Variants in JAKMIP3 observed in about 807,000 individuals in gnomAD.
The protein encoded by JAKMIP3 is janus kinase and microtubule-interacting protein 3.
JAKMIP3 carries 58 observed loss-of-function variants against 118.5 expected under a neutral mutation model. That is an observed-to-expected ratio of 0.49 (90% CI 0.40 to 0.61). The LOEUF (loss-of-function observed/expected upper bound fraction) is 0.61, where lower values mean the gene tolerates loss of function less well. Among genes scored for constraint, JAKMIP3 ranks in the 20% least tolerant of loss-of-function variants. The pLI is 0.00. For missense variants in JAKMIP3, 950 were observed against 1,109.0 expected, an observed-to-expected ratio of 0.86 and a Z score of 2.04; for synonymous variants, 486 against 451.2, an observed-to-expected ratio of 1.08 and a Z score of -0.98.
chr10:132,053,843 G>A (rs1303102741), intron 1 of JAKMIP3, among the ~76,000 whole-genome samples: 1 of 151,920 alleles, frequency 6.6e-6, no homozygotes, highest in Non-Finnish European at 1.5e-5. Context: ...GACCATCCTG[G>A]CTAACATGAT....
In JAKMIP3 at chr10:132,183,403, C is replaced by A. The variant is rs910115598; in HGVS notation, c.*2150C>A. On this transcript the variant is annotated 3_prime_UTR_variant, in exon 24 of 24. Coordinates refer to ENST00000684848, the MANE Select transcript of JAKMIP3 (RefSeq NM_001323087.2). ...AAACTCACATTCCCAGATTCACATC[C>A]CTCATGTTTATTTGGGTCATCATGG... The A allele has an allele frequency of 6.6e-6, 1 of 152,218 alleles. No homozygotes were observed. The highest frequency in any genetic ancestry group is 1.9e-4 in the East Asian group (1 of 5,204). The allele number at this position is 152,218 out of a possible 1,614,324, so 9.4% of individuals were successfully genotyped here.
intron 19 of JAKMIP3, among the ~76,000 whole-genome samples, chr10:132,159,636 ATGCTGGGGGGCCTCTCCCTG>A: frequency 2.6e-5 from 1 of 38,902 alleles, no homozygotes; most frequent in African/African-American, 9.7e-5. Context: ...TTCCTTTGTG[ATGCTGGGGGGCCTCTCCCTG>A]TGTGATGCTG....
intron 3 of JAKMIP3, among the ~76,000 whole-genome samples, chr10:132,119,485 C>A (rs72858949): frequency 6.6e-6 from 1 of 152,088 alleles, no homozygotes; most frequent in Non-Finnish European, 1.5e-5. Context: ...CTTCAAAAAC[C>A]GTCTCCCCCT....
Position 132,150,048 on chromosome 10 carries a change from C to T in JAKMIP3, c.2007+7C>T, listed in dbSNP as rs373224436. ...GGGCGATAACGCCGTAAGTGTATGT[C>T]GCTCTCCTGGCTTGTGCATGCCTCT... is the stretch of plus-strand genomic sequence containing the variant. On this transcript the variant is annotated splice_region_variant and intron_variant, in intron 16 of 23. Transcript: ENST00000684848. 1.0e-4 allele frequency: 159 copies of T among 1,593,202 alleles called. No individual in the cohort carries two copies. The highest frequency in any genetic ancestry group is 5.8e-4 in the East Asian group (25 of 43,470).
rs113550023 is a variant in JAKMIP3 at position 132,165,347 on chromosome 10, C to T, written c.2490+612C>T. Among the ~76,000 whole-genome samples, 871 of 152,282 alleles carry T rather than the reference C, an allele frequency of 5.7e-3. 15 individuals are homozygous for T. Among genetic ancestry groups the T allele is most frequent in the African/African-American group, 0.019 (803 of 41,572 alleles). ...AGTCTCTCCCGGGGTTGCCTGCAGGCGTTCAGGGCAGCGCTTGTTCTCCCA... is the reference window on the plus strand; with the variant it reads ...AGTCTCTCCCGGGGTTGCCTGCAGGTGTTCAGGGCAGCGCTTGTTCTCCCA... On this transcript the variant is annotated intron_variant, in intron 21 of 23. Coordinates refer to ENST00000684848, the MANE Select transcript of JAKMIP3 (RefSeq NM_001323087.2).
At chr10:132,115,295 G>A (rs2047465584) in intron 2 of JAKMIP3, among the ~76,000 whole-genome samples, 1 of 146,478 alleles carries the variant, frequency 6.8e-6, no homozygotes, top group South Asian at 2.1e-4. Flanking sequence ...CACCCTGGCG[G>A]GGCACTGATC....
At chr10:132,158,755 TGTGTGATGCTGTGGGAGGGGCATC>T in intron 19 of JAKMIP3, among the ~76,000 whole-genome samples, 1 of 284 alleles carries the variant, frequency 3.5e-3, no homozygotes, top group African/African-American at 0.022. Flanking sequence ...GGCATCTTCC[TGTGTGATGCTGTGGGAGGGGCATC>T]TTCCTGTGTG....
upstream of JAKMIP3, among the ~76,000 whole-genome samples, chr10:132,059,687 G>A (rs1366858158): frequency 4.6e-5 from 7 of 152,206 alleles, no homozygotes; most frequent in Admixed American, 6.5e-5. Context: ...TGGTTGTGGC[G>A]AGGGCCCCAC....
chr10:132,109,093 CAT>C lies in JAKMIP3; in HGVS notation c.135+4160_135+4161del, dbSNP rs199571463. 1.7e-4 allele frequency among the ~76,000 whole-genome samples: 24 copies of C among 138,884 alleles called. 2 individuals are homozygous for C. The highest frequency in any genetic ancestry group is 4.5e-4 in the South Asian group (2 of 4,412). The allele number at this position is 138,884 out of a possible 152,430, so 91.1% of individuals were successfully genotyped here. A position where few individuals can be genotyped will look rare whatever the true frequency, so the allele number is the denominator to read the frequency against. Reference sequence around the variant, plus strand: ...ACACATACACATATATATACACACACATATATATATACACACACACATATATA... The same window carrying C: ...ACACATACACATATATATACACACACATATATATACACACACACATATATA... On this transcript the variant is annotated intron_variant, in intron 2 of 23. Transcript: ENST00000684848.
intron 23 of JAKMIP3, among the ~76,000 whole-genome samples, chr10:132,171,412 G>A (rs2035806): frequency 0.48 from 72,499 of 152,116 alleles, 19,053 homozygotes; most frequent in East Asian, 0.9. Context: ...TGCACTGTGC[G>A]CCCTGCTCTG....
rs1347225997 is a variant in JAKMIP3 at position 132,133,527 on chromosome 10, T to C, written c.849T>C (p.Pro283=). 5 of 1,558,944 alleles carry C rather than the reference T, an allele frequency of 3.2e-6. No individual in the cohort carries two copies. In the Admixed American group the frequency reaches 9.6e-5, roughly 30 times the overall value. The change falls in exon 4 of 24, where the codon CCT becomes CCC. Residue 283 remains proline (P), a splice_region_variant and synonymous_variant. Coordinates refer to ENST00000684848, the MANE Select transcript of JAKMIP3 (RefSeq NM_001323087.2). Reference sequence around the variant, plus strand: ...ACGCTTCAGACCACTCGGGAAGCCCTGTAAGCACCTCCCAGGCCCACCGGC... The same window carrying C: ...ACGCTTCAGACCACTCGGGAAGCCCCGTAAGCACCTCCCAGGCCCACCGGC... ...AGDASDHSGS[P]EQQLDEKDAR...
At chr10:132,134,138 G>A (rs1004025959) in intron 4 of JAKMIP3, among the ~76,000 whole-genome samples, 1 of 152,200 alleles carries the variant, frequency 6.6e-6, no homozygotes, top group Non-Finnish European at 1.5e-5. Context: ...CATATCCTCT[G>A]TCGTGGTTCT....
At chr10:132,069,508 G>A (rs1245418405) in intron 1 of JAKMIP3, among the ~76,000 whole-genome samples, 8 of 152,098 alleles carry the variant, frequency 5.3e-5, no homozygotes, top group African/African-American at 1.9e-4. Flanking sequence ...GATGAGCTCC[G>A]ATGGGGAGGA....
chr10:132,067,785 ACTGTGGGCTTCCG>A (rs2039075442), intron 1 of JAKMIP3, among the ~76,000 whole-genome samples: 32 of 141,152 alleles, frequency 2.3e-4, no homozygotes, highest in East Asian at 8.7e-4. Flanking sequence ...TTCCGTGTGG[ACTGTGGGCTTCCG>A]TGTGGACTGT....
At chr10:132,167,648 C>T (rs1005760677) in intron 22 of JAKMIP3, among the ~76,000 whole-genome samples, 4 of 152,196 alleles carry the variant, frequency 2.6e-5, no homozygotes, top group Non-Finnish European at 4.4e-5. Context: ...TTGTTCGCCT[C>T]GGTCCTCGAG....
At chr10:132,149,571 T>TCCCTGCCCCCGCCCCACCCCCG in intron 15 of JAKMIP3, 61 bp downstream of exon 15, 1 of 311,812 alleles carries the variant, frequency 3.2e-6, no homozygotes, top group Non-Finnish European at 4.6e-6. Flanking sequence ...CCCCACCCCC[T>TCCCTGCCCCCGCCCCACCCCCG]CTCCGCCCCC....
chr10:132,061,571 G>A (rs1223498271), upstream of JAKMIP3, among the ~76,000 whole-genome samples: 2 of 152,184 alleles, frequency 1.3e-5, no homozygotes, highest in East Asian at 1.9e-4. Context: ...TATCACTAGA[G>A]GCACGTTGGG....
chr10:132,042,323 CA>C (rs1327013058), intron 1 of JAKMIP3, among the ~76,000 whole-genome samples: 1 of 151,978 alleles, frequency 6.6e-6, no homozygotes, highest in Non-Finnish European at 1.5e-5. Context: ...GTGATCCTCA[CA>C]CTTCAACCTC....
chr10:132,068,503 T>C (rs1440246427), intron 1 of JAKMIP3, among the ~76,000 whole-genome samples: 3 of 150,994 alleles, frequency 2.0e-5, no homozygotes, highest in African/African-American at 7.4e-5. Context: ...TTCTTATCCA[T>C]GAACCTCTTG....
Sources: gnomAD v4.1 joint callset for allele counts (sites outside exome capture counted in the v4.1 genomes callset) on GRCh38, gnomAD v4.1.1 for gene constraint, MANE v1.5 for transcripts, NCBI Gene and HGNC (gene_info 2026-07-23, HGNC 2026-07-21) for gene names.